The following SCOC variants were observed in gnomAD, a reference collection of about 807,000 sequenced individuals.
The protein encoded by SCOC is short coiled coil protein.
Under a neutral mutation model 9.9 loss-of-function variants are expected in SCOC, and 7 were observed. The ratio of observed to expected loss-of-function variants is 0.71; its 90% CI spans 0.40 to 1.33. The LOEUF (loss-of-function observed/expected upper bound fraction) is 1.33. SCOC is among the 40% of genes most tolerant of loss of function. The probability of loss-of-function intolerance (pLI) is 0.01; values close to 1 mark genes in which losing one functional copy is unlikely to be tolerated. For missense variants in SCOC, 66 were observed against 89.7 expected (o/e 0.74, Z 1.07); for synonymous variants, 19 against 28.2 (o/e 0.67, Z 1.03).
intron 1 of SCOC, among the ~76,000 whole-genome samples, chr4:140,320,798 G>A (rs778991732): frequency 1.3e-5 from 2 of 152,206 alleles, no homozygotes; most frequent in Non-Finnish European, 2.9e-5. Flanking sequence ...ACTGCAGCTA[G>A]GAGAGGAGAA....
rs374977429 is a variant in SCOC, at chr4:140,379,113, T to C, written c.-50-8T>C. 22 of 1,566,090 alleles carry C rather than the reference T, an allele frequency of 1.4e-5. No individual in the cohort carries two copies. The highest frequency in any genetic ancestry group is 1.8e-5 in the Non-Finnish European group (21 of 1,136,590). ...TGTGTCTATATTTCTGAATTTTTCT[T>C]ATTGTAGACCATTCCTCAAGAATTT... is the stretch of plus-strand genomic sequence containing the variant. On this transcript the variant is annotated splice_region_variant and splice_polypyrimidine_tract_variant and intron_variant, in intron 1 of 3. Coordinates refer to ENST00000608372, the MANE Select transcript of SCOC (RefSeq NM_001153484.2).
At chr4:140,296,260 G>A (rs941478512) in intron 1 of SCOC, among the ~76,000 whole-genome samples, 2 of 152,114 alleles carry the variant, frequency 1.3e-5, no homozygotes, top group African/African-American at 4.8e-5. Flanking sequence ...TGGATTTAAT[G>A]AGCATGTTCT....
At chr4:140,331,164 A>G (rs1352021655) in intron 1 of SCOC, among the ~76,000 whole-genome samples, 1 of 152,188 alleles carries the variant, frequency 6.6e-6, no homozygotes, top group Non-Finnish European at 1.5e-5. Context: ...GATAAGGACA[A>G]TAGCATTTTC....
chr4:140,372,563 T>A (rs188335777), upstream of SCOC, among the ~76,000 whole-genome samples: 2 of 152,336 alleles, frequency 1.3e-5, no homozygotes, highest in African/African-American at 4.8e-5. Context: ...ATTTAGCTCC[T>A]ACATTGCATT....
At chr4:140,345,969 C>T (rs755579476) in intron 2 of SCOC, among the ~76,000 whole-genome samples, 7 of 152,230 alleles carry the variant, frequency 4.6e-5, no homozygotes, top group Non-Finnish European at 7.3e-5. Context: ...ATCTTTACAA[C>T]ATCATCATGA....
chr4:140,297,643 A>T (rs535470528), intron 1 of SCOC, among the ~76,000 whole-genome samples: 73 of 152,348 alleles, frequency 4.8e-4, no homozygotes, highest in African/African-American at 1.7e-3. Flanking sequence ...AAACTGATTT[A>T]TTAATACATC....
At chr4:140,345,757 A>G (rs1726710562) in intron 2 of SCOC, among the ~76,000 whole-genome samples, 1 of 152,176 alleles carries the variant, frequency 6.6e-6, no homozygotes, top group Non-Finnish European at 1.5e-5. Flanking sequence ...ATACATATAT[A>G]TATGTAAGGG....
rs375805564 is a variant in SCOC, at chr4:140,290,768, G to A, written c.-19+33358G>A. ...GTGAAGGTTGCAGTGAGCTGAGGTC[G>A]TGCTGCTGCACTCCAGCCTGGGAAA... On this transcript the variant is annotated intron_variant, in intron 1 of 4. Coordinates refer to the SCOC transcript ENST00000394205. Among the ~76,000 whole-genome samples the A allele has an allele frequency of 4.6e-5, 7 of 152,246 alleles. No homozygotes were observed. In the East Asian group the frequency reaches 5.8e-4, roughly 13 times the overall value.
At chr4:140,343,725 T>TTC in intron 2 of SCOC, 5 of 1,580,284 alleles carry the variant, frequency 3.2e-6, no homozygotes, top group Non-Finnish European at 4.3e-6. Context: ...AAAAAATGGA[T>TTC]AACTTCTCAA....
chr4:140,366,973 A>G (rs1306864965), intron 2 of SCOC: 1 of 458,548 alleles, frequency 2.2e-6, no homozygotes, highest in Non-Finnish European at 4.0e-6. Flanking sequence ...TGGGAGGCCC[A>G]GGTGGGTGGA....
At chr4:140,363,955 T>C (rs1157248643) in intron 2 of SCOC, among the ~76,000 whole-genome samples, 1 of 152,132 alleles carries the variant, frequency 6.6e-6, no homozygotes, top group African/African-American at 2.4e-5. Flanking sequence ...CAAGACAAAG[T>C]TGAATTGCTT....
intron 1 of SCOC, among the ~76,000 whole-genome samples, chr4:140,335,680 A>G (rs957531803): frequency 4.6e-5 from 7 of 152,248 alleles, no homozygotes; most frequent in African/African-American, 1.4e-4. Flanking sequence ...TCTTAGAGAT[A>G]TTTCCCTGGT....
At chr4:140,379,428 G>A in intron 2 of SCOC, 141 bp from the exon 3 acceptor site, 1 of 709,710 alleles carries the variant, frequency 1.4e-6, no homozygotes, top group Non-Finnish European at 2.4e-6. Flanking sequence ...CTGCAATTTG[G>A]GGATACAAAA....
At chr4:140,369,918 GT>G (rs1334820229), upstream of SCOC, among the ~76,000 whole-genome samples, 1 of 104,864 alleles carries the variant, frequency 9.5e-6, no homozygotes, top group Admixed American at 1.4e-4. Flanking sequence ...CGCTCTTGTT[GT>G]CCAGGTTGGA....
rs539989374 is a variant in SCOC at position 140,273,436 on chromosome 4, C to CT, written c.-19+16035dup. Among the ~76,000 whole-genome samples the CT allele has an allele frequency of 4.0e-4, 61 of 151,498 alleles. 1 individual carries two copies. In the South Asian group the frequency reaches 8.1e-3, roughly 20 times the overall value. On this transcript the variant is annotated intron_variant, in intron 1 of 4. Coordinates refer to the SCOC transcript ENST00000394205. Reference sequence around the variant, plus strand: ...AAAGATATTTTTTTCTTTTACACATCTTTTTTTTTCTTTCTGATCATTTCT... The same window carrying CT: ...AAAGATATTTTTTTCTTTTACACATCTTTTTTTTTTCTTTCTGATCATTTCT...
intron 1 of SCOC, among the ~76,000 whole-genome samples, chr4:140,334,218 C>A (rs1478336138): frequency 6.6e-6 from 1 of 152,186 alleles, no homozygotes; most frequent in Non-Finnish European, 1.5e-5. Flanking sequence ...AACAGAATTT[C>A]TATGTATTAT....
chr4:140,323,460 G>C (rs1732558638), intron 1 of SCOC, among the ~76,000 whole-genome samples: 1 of 152,048 alleles, frequency 6.6e-6, no homozygotes, highest in African/African-American at 2.4e-5. Flanking sequence ...CTGATTCTTA[G>C]ATAAAGTCAT....
chr4:140,373,609 C>T (rs1416444385), upstream of SCOC: 7 of 1,551,678 alleles, frequency 4.5e-6, no homozygotes, highest in Non-Finnish European at 5.2e-6. Flanking sequence ...CTTCTCACGG[C>T]GCACGTTCTG....
At chr4:140,300,449 AGT>A (rs1484738282) in intron 1 of SCOC, among the ~76,000 whole-genome samples, 3 of 152,208 alleles carry the variant, frequency 2.0e-5, no homozygotes, top group Non-Finnish European at 4.4e-5. Context: ...GGTACTCCCC[AGT>A]GCCTGGCCTG....
Sources: allele counts gnomAD v4.1 joint callset (sites outside exome capture counted in the v4.1 genomes callset), GRCh38; gene constraint gnomAD v4.1.1; transcripts MANE v1.5; gene names NCBI Gene and HGNC (gene_info 2026-07-23, HGNC 2026-07-21).